The following HID1 variants were observed in gnomAD, a reference collection of about 807,000 sequenced individuals.
HID1 encodes the protein HID1 domain containing.
Under a neutral mutation model 89.7 loss-of-function variants are expected in HID1, and 42 were observed. The ratio of observed to expected loss-of-function variants is 0.47; its 90% CI spans 0.37 to 0.61. The LOEUF (loss-of-function observed/expected upper bound fraction) is 0.61, where lower values mean the gene tolerates loss of function less well. HID1 is among the 20% of genes least tolerant of loss of function. The pLI, the probability that HID1 is intolerant of heterozygous loss-of-function variation, is 0.00. For synonymous variants in HID1, 442 were observed against 433.8 expected (o/e 1.02, Z -0.24); for missense variants, 854 against 1,039.3 (o/e 0.82, Z 2.45).
In HID1 at chr17:74,958,589, G is replaced by C. The variant is rs1436783590; in HGVS notation, c.1240+84C>G. 3.8e-6 allele frequency: 6 copies of C among 1,578,404 alleles called. No homozygotes were observed. The highest frequency in any genetic ancestry group is 1.7e-5 in the Admixed American group (1 of 59,438). On this transcript the variant is annotated intron_variant, in intron 10 of 18. Transcript: ENST00000425042. The surrounding 1 kb of genome is among the most constrained non-coding windows in gnomAD (Gnocchi z 5.2). ...TAGGAGGTCAGAGTGCCAGGCCTGA[G>C]CTCCTGGGAGTCAGGGCAGATAGCC...
intron 17 of HID1, 71 bp from the exon 18 acceptor site, chr17:74,952,134 A>G (rs1172735380): frequency 5.2e-6 from 8 of 1,528,800 alleles, no homozygotes; most frequent in Non-Finnish European, 7.1e-6. Flanking sequence ...CTGGCCACCC[A>G]AGACCCATGT....
Position 74,951,304 on chromosome 17 carries a change from G to T in HID1, c.*266C>A, listed in dbSNP as rs956222513. On this transcript the variant is annotated 3_prime_UTR_variant, in exon 19 of 19. Transcript: ENST00000425042. ...AGCACTGAGCCAGGTCTTAAAGAGG[G>T]AGTCCGAGTGTTGGGGGCAGTGGTC... 1 of 548,010 alleles carries T rather than the reference G, an allele frequency of 1.8e-6. No individual in the cohort carries two copies. Among genetic ancestry groups the T allele is most frequent in the Non-Finnish European group, 3.3e-6 (1 of 307,614 alleles). The allele number at this position is 548,010 out of a possible 1,614,324, so 33.9% of individuals were successfully genotyped here.
At chr17:74,952,165 A>G (rs913563216) in intron 17 of HID1, 102 bp from the exon 18 acceptor site, 2 of 1,519,802 alleles carry the variant, frequency 1.3e-6, no homozygotes, top group Non-Finnish European at 1.8e-6. Flanking sequence ...ACGCCTACCT[A>G]AGCCTAGGCT....
intron 12 of HID1, among the ~76,000 whole-genome samples, chr17:74,956,161 C>A (rs998607515): frequency 5.3e-5 from 8 of 152,130 alleles, no homozygotes; most frequent in African/African-American, 1.9e-4. Flanking sequence ...CACCCTCACC[C>A]CTCGACCATG....
At position 74,954,272 on chromosome 17, in the gene HID1, G is replaced by A. The variant is rs1227123329; in HGVS notation, c.1730C>T (p.Ala577Val). The change falls in exon 14 of 19, where the codon GCC (alanine) becomes GTC (valine). Residue 577 changes from alanine to valine, a missense_variant. Transcript: ENST00000425042. ...AGGTGTCCGCCGGCGCCGCTGCAGG[G>A]CCTTGTGAATGGTGGGCGGGTCCGT... ...LPTDPPTIHK[A>V]LQRRRRTPEP... 5 of 1,588,200 alleles carry A rather than the reference G, an allele frequency of 3.1e-6. No homozygotes were observed. Among genetic ancestry groups the A allele is most frequent in the Non-Finnish European group, 4.3e-6 (5 of 1,168,204 alleles).
chr17:74,972,456 C>T lies in HID1; in HGVS notation c.66+135G>A. On this transcript the variant is annotated intron_variant, in intron 1 of 18. Coordinates refer to ENST00000425042, the MANE Select transcript of HID1 (RefSeq NM_030630.3). This position sits in a 1 kb window ranked among gnomAD's most constrained non-coding sequence, Gnocchi z 6.4. ...AGGTACAGGCCGCGGGGTCCCGTTC[C>T]GGCGCTGGCCTTGGCGTTACGCTCG... is the stretch of plus-strand genomic sequence containing the variant. The T allele has an allele frequency of 1.2e-6, 1 of 820,064 alleles. No individual in the cohort carries two copies. Among genetic ancestry groups the T allele is most frequent in the East Asian group, 3.0e-5 (1 of 33,448 alleles). 50.8% of individuals were successfully genotyped at this position (820,064 alleles called of 1,614,324 possible).
intron 14 of HID1, 143 bp downstream of exon 14, chr17:74,953,995 C>G (rs897027859): frequency 2.0e-5 from 16 of 819,468 alleles, no homozygotes; most frequent in African/African-American, 6.7e-5. Context: ...ACCCTCCCCC[C>G]ATCCCTGTTG....
chr17:74,953,810 T>G (rs896798622), intron 14 of HID1, among the ~76,000 whole-genome samples, 159 bp from the exon 15 acceptor site: 2 of 151,896 alleles, frequency 1.3e-5, no homozygotes, highest in East Asian at 1.9e-4. Context: ...CGCCCTCTCC[T>G]GCGCCCATCC....
rs1384701887 is a variant in HID1, at chr17:74,959,172, C to A, written c.1009-121G>T. The A allele has an allele frequency of 2.6e-6, 3 of 1,140,416 alleles. No individual in the cohort carries two copies. Among genetic ancestry groups the A allele is most frequent in the African/African-American group, 1.6e-5 (1 of 63,916 alleles). 70.6% of individuals were successfully genotyped at this position (1,140,416 alleles called of 1,614,324 possible). On this transcript the variant is annotated intron_variant, in intron 8 of 18. Transcript: ENST00000425042. The surrounding 1 kb of genome is among the most constrained non-coding windows in gnomAD (Gnocchi z 4.6). ...CCAGAGCCAGATCCCACCTCCAGAG[C>A]CAGAGGGCCCAGATGCTATCACCCA...
rs755556927 is a variant in HID1, at chr17:74,951,974, C to T, written c.2234G>A (p.Arg745His). The T allele has an allele frequency of 1.6e-5, 25 of 1,562,316 alleles. No homozygotes were observed. The highest frequency in any genetic ancestry group is 2.7e-5 in the African/African-American group (2 of 74,236). ...AGTGCCCGAGTTGGCCTGGTACTTGCGGATGAGGATGGGGTGGGGCACGGG... is the reference window on the plus strand; with the variant it reads ...AGTGCCCGAGTTGGCCTGGTACTTGTGGATGAGGATGGGGTGGGGCACGGG... ...LLPVPHPILIRKYQANSGTAM... is the reference protein window; with the variant it reads ...LLPVPHPILIHKYQANSGTAM... The change falls in exon 18 of 19, where the codon CGC becomes CAC. Residue 745 changes from arginine to histidine, a missense_variant. Coordinates refer to ENST00000425042, the MANE Select transcript of HID1 (RefSeq NM_030630.3).
At chr17:74,964,447 G>A (rs1361233312) in intron 2 of HID1, 36 bp downstream of exon 2, 1 of 1,591,338 alleles carries the variant, frequency 6.3e-7, no homozygotes, top group Non-Finnish European at 8.6e-7. Context: ...GGCTGGGAGG[G>A]TGGAAGAGTA....
rs761143627 is a variant in HID1, at chr17:74,961,863, G to C, written c.728+10C>G. 4.8e-6 allele frequency: 7 copies of C among 1,457,036 alleles called. No homozygotes were observed. In the South Asian group the frequency reaches 6.5e-5, roughly 14 times the overall value. 90.3% of individuals were successfully genotyped at this position (1,457,036 alleles called of 1,614,324 possible). A position where few individuals can be genotyped will look rare whatever the true frequency, so the allele number is the denominator to read the frequency against. On this transcript the variant is annotated intron_variant, in intron 6 of 18. Transcript: ENST00000425042. Reference sequence around the variant, plus strand: ...GGGAAGAGAGCGCAGAAAGGCCAAGGGCCCTTCACCTGTTCTCCGTGGAAC... The same window carrying C: ...GGGAAGAGAGCGCAGAAAGGCCAAGCGCCCTTCACCTGTTCTCCGTGGAAC...
chr17:74,958,774 G>A lies in HID1; in HGVS notation c.1150-11C>T, dbSNP rs375611777. ...GAAGAAGAGGAATTTCTAGGGGTGC[G>A]GGGAGGGGCCAAGTGGGCTGAGTTC... is the stretch of plus-strand genomic sequence containing the variant. On this transcript the variant is annotated splice_polypyrimidine_tract_variant and intron_variant, in intron 9 of 18. Transcript: ENST00000425042. The surrounding 1 kb of genome is among the most constrained non-coding windows in gnomAD (Gnocchi z 5.2). 2.1e-4 allele frequency: 345 copies of A among 1,612,662 alleles called. No individual in the cohort carries two copies. Among genetic ancestry groups the A allele is most frequent in the South Asian group, 7.0e-4 (64 of 90,950 alleles).
chr17:74,964,963 C>T (rs2039540583), intron 1 of HID1, among the ~76,000 whole-genome samples: 1 of 152,246 alleles, frequency 6.6e-6, no homozygotes, highest in African/African-American at 2.4e-5. Flanking sequence ...CACCTGGGCA[C>T]AGCCCCAGGC....
At chr17:74,951,807 G>C (rs1460122563) in intron 18 of HID1, 98 bp downstream of exon 18, 1 of 1,409,354 alleles carries the variant, frequency 7.1e-7, no homozygotes, top group East Asian at 2.5e-5. Context: ...GTCTTGACAT[G>C]AAGTCCACCA....
Position 74,952,207 on chromosome 17 carries a change from C to G in HID1, c.2144+62G>C, listed in dbSNP as rs2039312959. 4 of 1,541,890 alleles carry G rather than the reference C, an allele frequency of 2.6e-6. No homozygotes were observed. The East Asian group carries it at 9.1e-5, about 35-fold the overall frequency. On this transcript the variant is annotated intron_variant, in intron 17 of 18. Coordinates refer to ENST00000425042, the MANE Select transcript of HID1 (RefSeq NM_030630.3). ...GCCCAGAGCCCACCTGCCCACACCA[C>G]CGGCCCCGCCCACAACCCCGGCCCC...
At chr17:74,970,020 G>A (rs1471338487) in intron 1 of HID1, among the ~76,000 whole-genome samples, 2 of 148,232 alleles carry the variant, frequency 1.3e-5, no homozygotes, top group Non-Finnish European at 1.5e-5. Flanking sequence ...GGGGTCAAGC[G>A]ATTCTACTGC....
At chr17:74,964,115 G>C in intron 2 of HID1, 2 of 610,192 alleles carry the variant, frequency 3.3e-6, no homozygotes, top group Non-Finnish European at 2.9e-6. Context: ...GGCCAGAGCA[G>C]CTTGGAGCAT....
At chr17:74,952,136 G>A in intron 17 of HID1, 73 bp from the exon 18 acceptor site, 1 of 1,528,780 alleles carries the variant, frequency 6.5e-7, no homozygotes, top group Non-Finnish European at 8.8e-7. Context: ...GGCCACCCAA[G>A]ACCCATGTTT....
Sources: gnomAD v4.1 joint callset for allele counts (sites outside exome capture counted in the v4.1 genomes callset) on GRCh38, gnomAD v4.1.1 for gene constraint, Gnocchi (gnomAD v3.1) non-coding constraint, MANE v1.5 for transcripts, NCBI Gene and HGNC (gene_info 2026-07-23, HGNC 2026-07-21) for gene names.